KCNK9: variants seen among roughly 807,000 people sequenced by gnomAD.
The protein encoded by KCNK9 is potassium channel subfamily K member 9.
Under a neutral mutation model 10.8 loss-of-function variants are expected in KCNK9, and 1 was observed. The observed-to-expected ratio is 0.09, with a 90% CI of 0.03 to 0.44. The LOEUF (loss-of-function observed/expected upper bound fraction) is 0.44, where lower values mean the gene tolerates loss of function less well. KCNK9 is among the 20% of genes least tolerant of loss of function. The probability of loss-of-function intolerance (pLI) is 0.97; values close to 1 mark genes in which losing one functional copy is unlikely to be tolerated. For missense variants in KCNK9, 303 were observed against 515.0 expected (o/e 0.59, Z 3.98); for synonymous variants, 231 against 222.7 (o/e 1.04, Z -0.33).
chr8:139,699,929 C>T (rs936573630), intron 1 of KCNK9, among the ~76,000 whole-genome samples: 54 of 152,182 alleles, frequency 3.5e-4, no homozygotes, highest in African/African-American at 1.3e-3. Flanking sequence ...CAAGAAATAG[C>T]TCAAGGTTAG....
chr8:139,633,839 C>A (rs1167588243), intron 1 of KCNK9, among the ~76,000 whole-genome samples: 1 of 152,226 alleles, frequency 6.6e-6, no homozygotes, highest in South Asian at 2.1e-4. Context: ...GTGAAGACGA[C>A]GACACACAAA....
intron 1 of KCNK9, among the ~76,000 whole-genome samples, chr8:139,661,464 T>A (rs567354188): frequency 6.6e-6 from 1 of 151,912 alleles, no homozygotes; most frequent in Non-Finnish European, 1.5e-5. Flanking sequence ...CAAGGTAGGG[T>A]CGTGGGTGTC....
At chr8:139,628,705 C>A (rs990118535) in intron 1 of KCNK9, among the ~76,000 whole-genome samples, 2 of 152,192 alleles carry the variant, frequency 1.3e-5, no homozygotes, top group South Asian at 4.1e-4. Context: ...CTTCAGTTGC[C>A]TTTTGATTAC....
chr8:139,688,779 T>C (rs1452480453), intron 1 of KCNK9, among the ~76,000 whole-genome samples: 2 of 152,230 alleles, frequency 1.3e-5, no homozygotes, highest in African/African-American at 2.4e-5. Flanking sequence ...CTCAGATTCA[T>C]ACATTTGATA....
At chr8:139,678,636 G>A (rs555892541) in intron 1 of KCNK9, among the ~76,000 whole-genome samples, 11 of 152,346 alleles carry the variant, frequency 7.2e-5, no homozygotes, top group African/African-American at 2.2e-4. Flanking sequence ...TCATAGCGCT[G>A]ATAGAAACTC....
At chr8:139,605,041 G>A (rs1817455365) in intron 2 of KCNK9, among the ~76,000 whole-genome samples, 1 of 152,216 alleles carries the variant, frequency 6.6e-6, no homozygotes, top group African/African-American at 2.4e-5. Context: ...GAGCCTTCCA[G>A]GTGGAGCTCG....
chr8:139,603,668 G>A (rs115957976), intron 2 of KCNK9, among the ~76,000 whole-genome samples: 1,827 of 152,276 alleles, frequency 0.012, 32 homozygotes, highest in African/African-American at 0.04. Context: ...GCAGGAAGAC[G>A]AGGCATCAGA....
At chr8:139,673,009 A>G (rs7828046) in intron 1 of KCNK9, among the ~76,000 whole-genome samples, 14 of 152,218 alleles carry the variant, frequency 9.2e-5, no homozygotes, top group Admixed American at 2.6e-4. Flanking sequence ...ATGAATAACC[A>G]GAGGCTCAAC....
chr8:139,639,897 A>G lies in KCNK9; in HGVS notation c.284-20798T>C, dbSNP rs73724475. Among the ~76,000 whole-genome samples, 1,198 of 151,756 alleles carry G rather than the reference A, an allele frequency of 7.9e-3. 12 individuals carry two copies. The highest frequency in any genetic ancestry group is 0.028 in the African/African-American group (1,162 of 41,348). Reference sequence around the variant, plus strand: ...CTCTGGGCTCAGGGCCTGCCTCTGCAAGATGCGCTAAGGACCCTAGCTCTG... The same window carrying G: ...CTCTGGGCTCAGGGCCTGCCTCTGCGAGATGCGCTAAGGACCCTAGCTCTG... On this transcript the variant is annotated intron_variant, in intron 1 of 1. Transcript: ENST00000520439.
chr8:139,616,756 A>G (rs1260413522), downstream of KCNK9: 1 of 152,236 alleles, frequency 6.6e-6, no homozygotes, highest in African/African-American at 2.4e-5. Context: ...CAAAAGAGGA[A>G]TGGGAGGATG....
intron 1 of KCNK9, among the ~76,000 whole-genome samples, chr8:139,650,118 A>T (rs1214645757): frequency 5.3e-5 from 8 of 152,180 alleles, no homozygotes; most frequent in Admixed American, 5.2e-4. Context: ...TGTGGGAAGA[A>T]CTTGGCTCAA....
In KCNK9 at chr8:139,636,162, C is replaced by T. The variant is rs369431362; in HGVS notation, c.284-17063G>A. Among the ~76,000 whole-genome samples, 7 of 152,140 alleles carry T rather than the reference C, an allele frequency of 4.6e-5. No individual in the cohort carries two copies. The East Asian group carries it at 9.6e-4, about 21-fold the overall frequency. ...AAAATGAAGACCAGCCTTTATTGGC[C>T]CAGCACCAATGATATTCTTCTTCTC... On this transcript the variant is annotated intron_variant, in intron 1 of 1. Transcript: ENST00000520439.
At chr8:139,651,882 A>G (rs1815876650) in intron 1 of KCNK9, among the ~76,000 whole-genome samples, 1 of 152,124 alleles carries the variant, frequency 6.6e-6, no homozygotes. Context: ...ATCTGGAGTC[A>G]GTATCTCCAG....
intron 1 of KCNK9, among the ~76,000 whole-genome samples, chr8:139,631,130 G>C: frequency 6.6e-6 from 1 of 152,252 alleles, no homozygotes; most frequent in East Asian, 1.9e-4. Flanking sequence ...ACTGCGTCCA[G>C]AACGCAGGAA....
At position 139,693,582 on chromosome 8, in the gene KCNK9, C is replaced by T. The variant is rs1414069841; in HGVS notation, c.283+9128G>A. ...GTGCAAGGGAGCCTGAGACCAGCAG[C>T]CCCTAGGGAATACTGATGTCTACTC... On this transcript the variant is annotated intron_variant, in intron 1 of 1. Transcript: ENST00000520439. This position sits in a 1 kb window ranked among gnomAD's most constrained non-coding sequence, Gnocchi z 4.1. 6.6e-6 allele frequency among the ~76,000 whole-genome samples: 1 copy of T among 152,136 alleles called. No individual in the cohort carries two copies. Among genetic ancestry groups the T allele is most frequent in the Non-Finnish European group, 1.5e-5 (1 of 68,040 alleles).
At position 139,665,355 on chromosome 8, in the gene KCNK9, G is replaced by C. The variant is rs536750499; in HGVS notation, c.283+37355C>G. ...CCTCCGACCTCTGCTTCAATCATCA[G>C]AACTCTCCTGACTCTACCCTCCTGC... On this transcript the variant is annotated intron_variant, in intron 1 of 1. Transcript: ENST00000520439. Among the ~76,000 whole-genome samples, 4 of 152,176 alleles carry C rather than the reference G, an allele frequency of 2.6e-5. No individual in the cohort carries two copies. The South Asian group carries it at 8.3e-4, about 32-fold the overall frequency.
chr8:139,634,828 G>A (rs560884707), intron 1 of KCNK9, among the ~76,000 whole-genome samples: 1 of 152,234 alleles, frequency 6.6e-6, no homozygotes, highest in Admixed American at 6.5e-5. Flanking sequence ...GCCATCAGCC[G>A]AGGCCTGCCC....
chr8:139,672,909 A>G (rs1035341895), intron 1 of KCNK9, among the ~76,000 whole-genome samples: 1 of 152,240 alleles, frequency 6.6e-6, no homozygotes, highest in African/African-American at 2.4e-5. Flanking sequence ...ATCACAGTGC[A>G]GAAGGCACTG....
At chr8:139,638,324 C>T (rs1586652656) in intron 1 of KCNK9, among the ~76,000 whole-genome samples, 1 of 152,106 alleles carries the variant, frequency 6.6e-6, no homozygotes, top group Non-Finnish European at 1.5e-5. Context: ...CATGAATTAC[C>T]AAGCCTATGT....
Sources: gnomAD v4.1 joint callset for allele counts (sites outside exome capture counted in the v4.1 genomes callset) on GRCh38, gnomAD v4.1.1 for gene constraint, Gnocchi (gnomAD v3.1) non-coding constraint, MANE v1.5 for transcripts, NCBI Gene and HGNC (gene_info 2026-07-23, HGNC 2026-07-21) for gene names.